Variants in CCNF observed in about 807,000 individuals in gnomAD.
CCNF encodes the protein cyclin-F.
In CCNF, 30 loss-of-function variants were observed where a neutral mutation model predicts 85.4. The observed-to-expected ratio is 0.35, with a 90% CI of 0.26 to 0.48. CCNF has a LOEUF of 0.48. CCNF is among the 20% of genes least tolerant of loss of function. The pLI, the probability that CCNF is intolerant of heterozygous loss-of-function variation, is 0.99. For missense variants in CCNF, 919 were observed against 1,010.4 expected (o/e 0.91, Z 1.23); for synonymous variants, 439 against 425.1 (o/e 1.03, Z -0.40).
chr16:2,430,729 C>T (rs2065258163), intron 1 of CCNF, among the ~76,000 whole-genome samples: 1 of 152,100 alleles, frequency 6.6e-6, no homozygotes, highest in South Asian at 2.1e-4. Context: ...GTCACGTGTG[C>T]AAAAAGCAAA....
intron 6 of CCNF, among the ~76,000 whole-genome samples, chr16:2,438,700 C>T (rs1365636458): frequency 2.6e-5 from 4 of 151,392 alleles, no homozygotes; most frequent in Admixed American, 1.3e-4. Flanking sequence ...GATTGAACAT[C>T]AAGTAAAGAA....
chr16:2,455,141 C>T (rs1429722965), intron 15 of CCNF, among the ~76,000 whole-genome samples: 1 of 152,206 alleles, frequency 6.6e-6, no homozygotes, highest in African/African-American at 2.4e-5. Context: ...GGCCCACGCC[C>T]CACAGCTGAG....
intron 1 of CCNF, 120 bp downstream of exon 1, chr16:2,429,617 C>A: frequency 9.9e-7 from 1 of 1,010,458 alleles, no homozygotes; most frequent in Non-Finnish European, 1.3e-6. Flanking sequence ...CTGGCTCGAG[C>A]TCTTTAACCC....
intron 10 of CCNF, among the ~76,000 whole-genome samples, chr16:2,447,171 G>A (rs2065366553): frequency 6.6e-6 from 1 of 152,114 alleles, no homozygotes; most frequent in African/African-American, 2.4e-5. Flanking sequence ...TGCTAAAAAC[G>A]TTTCAGGGAG....
intron 13 of CCNF, 152 bp downstream of exon 13, chr16:2,450,067 C>G (rs1487067279): frequency 1.6e-6 from 1 of 641,866 alleles, no homozygotes; most frequent in Non-Finnish European, 2.8e-6. Flanking sequence ...ATTAGCCAGG[C>G]GTGGTGGTGC....
At chr16:2,449,015 T>C (rs767534481) in intron 11 of CCNF, 37 bp downstream of exon 11, 6 of 1,448,170 alleles carry the variant, frequency 4.1e-6, no homozygotes, top group Non-Finnish European at 5.8e-6. Context: ...TAATCTTCGT[T>C]GTCGCTGTGC....
chr16:2,441,930 T>G (rs1772290776), intron 8 of CCNF, among the ~76,000 whole-genome samples: 3 of 116,930 alleles, frequency 2.6e-5, no homozygotes, highest in Non-Finnish European at 5.1e-5. Context: ...CTCATGATAT[T>G]AGCAAATTAT....
In CCNF at chr16:2,441,077, C is replaced by CA. The variant is rs368016460; in HGVS notation, c.777+1258dup. 9.7e-3 allele frequency among the ~76,000 whole-genome samples: 1,468 copies of CA among 151,646 alleles called. 23 individuals carry two copies. The highest frequency in any genetic ancestry group is 0.033 in the African/African-American group (1,355 of 41,340). On this transcript the variant is annotated intron_variant, in intron 8 of 16. Coordinates refer to ENST00000397066, the MANE Select transcript of CCNF (RefSeq NM_001761.3). ...TGAAACCCCGTCTTTACTAAAAATA[C>CA]AAAAAAATTAGCTGGGCCTGGTGGC...
At chr16:2,429,553 G>A in intron 1 of CCNF, 56 bp downstream of exon 1, 1 of 1,225,368 alleles carries the variant, frequency 8.2e-7, no homozygotes, top group South Asian at 4.1e-5. Context: ...TGCCTGCCCT[G>A]CGGGGCGGAC....
At chr16:2,449,043 C>CCCCCAA in intron 11 of CCNF, 65 bp downstream of exon 11, 1 of 1,212,930 alleles carries the variant, frequency 8.2e-7, no homozygotes, top group Non-Finnish European at 1.2e-6. Flanking sequence ...TGGGGGTGGG[C>CCCCCAA]ATTCAGCTTT....
chr16:2,439,613 G>T, intron 7 of CCNF, 136 bp from the exon 8 acceptor site: 1 of 928,096 alleles, frequency 1.1e-6, no homozygotes, highest in Non-Finnish European at 1.7e-6. Context: ...GGCTATTCTT[G>T]GTACCCCCAA....
At chr16:2,443,111 T>C (rs2065341298) in intron 8 of CCNF, among the ~76,000 whole-genome samples, 2 of 132,478 alleles carry the variant, frequency 1.5e-5, no homozygotes, top group East Asian at 2.0e-4. Context: ...TTATATATAA[T>C]ATATTACATA....
chr16:2,431,337 C>T, intron 2 of CCNF, 53 bp downstream of exon 2: 1 of 1,578,746 alleles, frequency 6.3e-7, no homozygotes, highest in Non-Finnish European at 8.7e-7. Context: ...ATTATACCAT[C>T]AGGCCTTGTG....
rs145521789 is a variant in CCNF at position 2,456,664 on chromosome 16, C to A, written c.2005C>A (p.Gln669Lys). The A allele has an allele frequency of 1.2e-6, 2 of 1,613,350 alleles. No homozygotes were observed. Among genetic ancestry groups the A allele is most frequent in the Non-Finnish European group, 1.7e-6 (2 of 1,179,852 alleles). Residue 669 changes from glutamine to lysine, a missense_variant, in exon 17 of 17, where the codon CAG becomes AAG. This residue lies in a region of CCNF where 505 missense variants were observed against 514.8 expected (regional missense o/e 0.98). Coordinates refer to ENST00000397066, the MANE Select transcript of CCNF (RefSeq NM_001761.3). The surrounding 1 kb of genome is among the most constrained non-coding windows in gnomAD (Gnocchi z 4.5). ...AGAGGACAAGGGACCCCAGGACCCACAGGCACTGGCGCTGGACACCCAGAT... is the reference window on the plus strand; with the variant it reads ...AGAGGACAAGGGACCCCAGGACCCAAAGGCACTGGCGCTGGACACCCAGAT... ...CPEDKGPQDP[Q>K]ALALDTQIPA...
At position 2,455,390 on chromosome 16, in the gene CCNF, T is replaced by C. The variant is rs1596933401; in HGVS notation, c.1716-5T>C. On this transcript the variant is annotated splice_polypyrimidine_tract_variant and splice_region_variant and intron_variant, in intron 15 of 16. Coordinates refer to ENST00000397066, the MANE Select transcript of CCNF (RefSeq NM_001761.3). ...TGGGTCTCCTGGGCTCTCTCCACCT[T>C]GCAGGAAGCGGGAGAACAGCCTCCA... 1 of 1,576,710 alleles carries C rather than the reference T, an allele frequency of 6.3e-7. No individual in the cohort carries two copies. Among genetic ancestry groups the C allele is most frequent in the Non-Finnish European group, 8.7e-7 (1 of 1,151,878 alleles).
chr16:2,437,452 G>T (rs2065297638), intron 5 of CCNF, 130 bp downstream of exon 5: 3 of 668,568 alleles, frequency 4.5e-6, no homozygotes, highest in Admixed American at 3.1e-5. Context: ...AGAAAACTGA[G>T]AGTGCAGATA....
At position 2,431,295 on chromosome 16, in the gene CCNF, G is replaced by A. The variant is rs950230085; in HGVS notation, c.171+11G>A. ...CTGGCCGTCCGAGCTGTAAGTCCCT[G>A]CATGAAAACACTATGAGCCCTAGCA... is the stretch of plus-strand genomic sequence containing the variant. On this transcript the variant is annotated intron_variant, in intron 2 of 16. Transcript: ENST00000397066. The A allele has an allele frequency of 6.2e-7, 1 of 1,613,322 alleles. No individual in the cohort carries two copies. The highest frequency in any genetic ancestry group is 1.3e-5 in the African/African-American group (1 of 75,000).
chr16:2,443,579 C>CT, intron 8 of CCNF, 70 bp from the exon 9 acceptor site: 1 of 1,547,216 alleles, frequency 6.5e-7, no homozygotes, highest in Non-Finnish European at 8.9e-7. Flanking sequence ...CTGAATGGGC[C>CT]TTTGCTTCAG....
At chr16:2,444,966 T>G (rs2065353386) in intron 9 of CCNF, among the ~76,000 whole-genome samples, 1 of 79,898 alleles carries the variant, frequency 1.3e-5, no homozygotes, top group South Asian at 4.0e-4. Flanking sequence ...GTTCTCGGCT[T>G]GCTGTAACCT....
Sources: allele counts gnomAD v4.1 joint callset (sites outside exome capture counted in the v4.1 genomes callset), GRCh38; gene constraint gnomAD v4.1.1; regional missense constraint gnomAD v4.1.1; non-coding constraint Gnocchi (gnomAD v3.1); transcripts MANE v1.5; gene names NCBI Gene and HGNC (gene_info 2026-07-23, HGNC 2026-07-21).